XYLB: variants seen among roughly 807,000 people sequenced by gnomAD.
The protein encoded by XYLB is xylulose kinase.
A neutral mutation model predicts 78.7 loss-of-function variants in XYLB; 62 were observed. The observed-to-expected ratio is 0.79, with a 90% CI of 0.64 to 0.97. XYLB has a LOEUF of 0.97. Ranked by LOEUF, XYLB falls within the 50% of genes least tolerant of loss-of-function variation. The probability of loss-of-function intolerance (pLI) is 0.00; values close to 1 mark genes in which losing one functional copy is unlikely to be tolerated. For synonymous variants in XYLB, 245 were observed against 247.4 expected (o/e 0.99, Z 0.09); for missense variants, 687 against 676.8 (o/e 1.02, Z -0.17).
At chr3:38,382,134 C>T (rs1292462293) in intron 15 of XYLB, among the ~76,000 whole-genome samples, 3 of 152,126 alleles carry the variant, frequency 2.0e-5, no homozygotes, top group South Asian at 4.1e-4. Flanking sequence ...AAAGAACCTA[C>T]GTGATTATCG....
intron 2 of XYLB, among the ~76,000 whole-genome samples, chr3:38,349,464 G>A (rs1261211209): frequency 1.3e-5 from 2 of 152,172 alleles, no homozygotes; most frequent in Non-Finnish European, 2.9e-5. Flanking sequence ...GAATGGACGT[G>A]GGGAACTATT....
At chr3:38,347,658 A>C (rs1374204102) in intron 1 of XYLB, among the ~76,000 whole-genome samples, 2 of 152,118 alleles carry the variant, frequency 1.3e-5, no homozygotes, top group Non-Finnish European at 2.9e-5. Flanking sequence ...CCTGGGCGAC[A>C]GAACGGGACC....
the XYLB span, among the ~76,000 whole-genome samples, chr3:38,444,805 C>A: frequency 1.1e-4 from 17 of 152,208 alleles, no homozygotes; most frequent in South Asian, 6.2e-4. Context: ...CATGCCCCCC[C>A]ACCCCTGGCC....
chr3:38,386,630 A>G (rs944264866), intron 15 of XYLB, among the ~76,000 whole-genome samples: 24 of 151,964 alleles, frequency 1.6e-4, no homozygotes, highest in Admixed American at 6.6e-4. Flanking sequence ...TTTTTAAGGT[A>G]TACACTTTTT....
intron 14 of XYLB, among the ~76,000 whole-genome samples, chr3:38,378,022 G>A (rs1226512813): frequency 6.6e-6 from 1 of 152,198 alleles, no homozygotes; most frequent in Non-Finnish European, 1.5e-5. Context: ...GTACCTGAGA[G>A]ATGTTTCTGA....
the XYLB span, among the ~76,000 whole-genome samples, chr3:38,429,348 CTTTG>C: frequency 6.6e-6 from 1 of 152,126 alleles, no homozygotes; most frequent in African/African-American, 2.4e-5. Context: ...GCAACAGCTT[CTTTG>C]TTTTAGTTTT....
At chr3:38,439,336 C>T in the XYLB span, among the ~76,000 whole-genome samples, 1 of 152,182 alleles carries the variant, frequency 6.6e-6, no homozygotes, top group Non-Finnish European at 1.5e-5. Context: ...GCTTGACAGC[C>T]TCGATCCTAC....
chr3:38,378,799 G>T (rs763811328), intron 14 of XYLB, among the ~76,000 whole-genome samples: 1 of 149,588 alleles, frequency 6.7e-6, no homozygotes, highest in African/African-American at 2.5e-5. Context: ...GGATCTCAGC[G>T]TAAGCTCGTG....
the XYLB span, among the ~76,000 whole-genome samples, chr3:38,443,210 A>T: frequency 6.6e-6 from 1 of 152,158 alleles, no homozygotes; most frequent in Non-Finnish European, 1.5e-5. Flanking sequence ...TCCAAGAGGA[A>T]GTCAATTTCC....
intron 2 of XYLB, chr3:38,357,113 C>A (rs1352711506): frequency 6.6e-6 from 1 of 152,228 alleles, no homozygotes; most frequent in Non-Finnish European, 1.5e-5. Context: ...TTGTGGACTT[C>A]TAGCCTCCAG....
intron 4 of XYLB, among the ~76,000 whole-genome samples, chr3:38,364,850 A>T (rs1053451127): frequency 3.9e-5 from 6 of 152,134 alleles, no homozygotes; most frequent in Non-Finnish European, 7.4e-5. Context: ...ATGTTCATTG[A>T]ATGAATGAAT....
Position 38,379,263 on chromosome 3 carries a change from G to T in XYLB, c.1212G>T (p.Gly404=). The stretch of plus-strand genomic sequence containing the variant: ...GGAGACAGGTTGCAGCATTCCCTGG[G>T]GATGTGGAGGTTCGAGCACTAATTG... ...TENHKVAAFP[G]DVEVRALIEG... Residue 404 remains glycine, a synonymous_variant, in exon 15 of 19, where the codon GGG becomes GGT. Transcript: ENST00000207870. 1.2e-6 allele frequency: 2 copies of T among 1,614,076 alleles called. No homozygotes were observed. The highest frequency in any genetic ancestry group is 1.7e-6 in the Non-Finnish European group (2 of 1,180,028).
chr3:38,405,157 A>G (rs1219185972), intron 18 of XYLB, among the ~76,000 whole-genome samples: 1 of 152,070 alleles, frequency 6.6e-6, no homozygotes, highest in East Asian at 1.9e-4. Context: ...ATAATTTTGT[A>G]GCTTCTTTAA....
At chr3:38,411,385 TG>T (rs1468411701) in intron 18 of XYLB, among the ~76,000 whole-genome samples, 1 of 146,196 alleles carries the variant, frequency 6.8e-6, no homozygotes, top group African/African-American at 2.6e-5. Flanking sequence ...TGTTGTGGGG[TG>T]GGGGGAGAGG....
intron 2 of XYLB, among the ~76,000 whole-genome samples, chr3:38,355,410 G>A (rs1262596369): frequency 1.3e-5 from 2 of 152,208 alleles, no homozygotes; most frequent in Non-Finnish European, 2.9e-5. Flanking sequence ...GAGCTTAATG[G>A]TTTTGAGCCA....
At chr3:38,350,718 A>G (rs1371867175) in intron 2 of XYLB, among the ~76,000 whole-genome samples, 1 of 152,096 alleles carries the variant, frequency 6.6e-6, no homozygotes, top group Non-Finnish European at 1.5e-5. Flanking sequence ...ATTTCTCTGT[A>G]AACACAAATG....
At chr3:38,411,783 G>A (rs1298547873) in intron 18 of XYLB, among the ~76,000 whole-genome samples, 1 of 151,990 alleles carries the variant, frequency 6.6e-6, no homozygotes, top group African/African-American at 2.4e-5. Context: ...TGTAAAAATG[G>A]CCTTTGCTTG....
chr3:38,404,945 G>T (rs1575535163), intron 18 of XYLB, among the ~76,000 whole-genome samples: 1 of 152,278 alleles, frequency 6.6e-6, no homozygotes, highest in East Asian at 1.9e-4. Flanking sequence ...CCGGGTCCTT[G>T]GTCTTGTTGT....
intron 15 of XYLB, among the ~76,000 whole-genome samples, chr3:38,387,403 C>T (rs140052384): frequency 0.017 from 2,580 of 151,748 alleles, 60 homozygotes; most frequent in African/African-American, 0.06. Context: ...CAGAGTCTTG[C>T]TCTGTTGCCC....
Sources: gnomAD v4.1 joint callset for allele counts (sites outside exome capture counted in the v4.1 genomes callset) on GRCh38, gnomAD v4.1.1 for gene constraint, MANE v1.5 for transcripts, NCBI Gene and HGNC (gene_info 2026-07-23, HGNC 2026-07-21) for gene names.